Variants in SLC22A23 observed in about 807,000 individuals in gnomAD.
SLC22A23 encodes solute carrier family 22 member 23, also known as ion transporter protein.
In SLC22A23, 26 loss-of-function variants were observed where a neutral mutation model predicts 61.0. The ratio of observed to expected loss-of-function variants is 0.43; its 90% CI spans 0.31 to 0.59. The LOEUF is 0.59. Among genes scored for constraint, SLC22A23 ranks in the 20% least tolerant of loss-of-function variants. The pLI, the probability that SLC22A23 is intolerant of heterozygous loss-of-function variation, is 0.11. For missense variants in SLC22A23, 796 were observed against 934.7 expected (o/e 0.85, Z 1.94); for synonymous variants, 430 against 413.9 (o/e 1.04, Z -0.47).
At chr6:3,365,499 T>C (rs12205405) in intron 3 of SLC22A23, among the ~76,000 whole-genome samples, 116,465 of 152,014 alleles carry the variant, frequency 0.77, 45,092 homozygotes, top group African/African-American at 0.85. Context: ...TTGGTCTGGC[T>C]GAGCCTGAGT....
chr6:3,348,626 T>G (rs1467120032), intron 3 of SLC22A23, among the ~76,000 whole-genome samples: 1 of 152,204 alleles, frequency 6.6e-6, no homozygotes, highest in Non-Finnish European at 1.5e-5. Context: ...GGCACGGAGC[T>G]GGGTGTGGTG....
At chr6:3,436,208 C>A (rs894712631) in intron 1 of SLC22A23, among the ~76,000 whole-genome samples, 1 of 151,812 alleles carries the variant, frequency 6.6e-6, no homozygotes, top group African/African-American at 2.4e-5. Context: ...GGTGTGATAT[C>A]GGCTCACTGC....
intron 1 of SLC22A23, among the ~76,000 whole-genome samples, chr6:3,441,781 C>A (rs899696718): frequency 6.6e-6 from 1 of 152,188 alleles, no homozygotes; most frequent in African/African-American, 2.4e-5. Context: ...ATTTCCCAAC[C>A]GTCTCCGGCT....
rs1772407664 is a variant in SLC22A23, at chr6:3,456,356, G to A, written c.204C>T (p.Ser68=). ...PGGGPHPSCC[S]AAAAPSLLLL... is the part of the protein sequence containing the mutation. Reference sequence around the variant, plus strand: ...ACAAGAGGCTCGGGGCCGCAGCCGCGGAGCAGCAGCTCGGGTGCGGGCCGC... The same window carrying A: ...ACAAGAGGCTCGGGGCCGCAGCCGCAGAGCAGCAGCTCGGGTGCGGGCCGC... The change falls in exon 1 of 10, where the codon TCC becomes TCT. Residue 68 remains serine, a synonymous_variant. Transcript: ENST00000406686. This position sits in a 1 kb window ranked among gnomAD's most constrained non-coding sequence, Gnocchi z 7.1. 3.9e-6 allele frequency: 6 copies of A among 1,546,618 alleles called. No individual in the cohort carries two copies. Among genetic ancestry groups the A allele is most frequent in the Non-Finnish European group, 5.2e-6 (6 of 1,145,232 alleles).
chr6:3,430,692 C>A (rs1432384902), intron 1 of SLC22A23, among the ~76,000 whole-genome samples: 1 of 152,136 alleles, frequency 6.6e-6, no homozygotes, highest in African/African-American at 2.4e-5. Flanking sequence ...TATGAGTGTG[C>A]CCCGGCCAGC....
At chr6:3,351,310 C>T (rs537454513) in intron 3 of SLC22A23, among the ~76,000 whole-genome samples, 14 of 152,190 alleles carry the variant, frequency 9.2e-5, no homozygotes, top group Admixed American at 6.5e-4. Flanking sequence ...AATCGGAGTG[C>T]GGTGGAAAAT....
intron 3 of SLC22A23, among the ~76,000 whole-genome samples, chr6:3,406,184 G>A (rs1768813940): frequency 1.3e-5 from 2 of 152,140 alleles, no homozygotes; most frequent in African/African-American, 2.4e-5. Flanking sequence ...GATCAAGTTA[G>A]AAGAGACACT....
intron 1 of SLC22A23, among the ~76,000 whole-genome samples, chr6:3,452,529 G>GTGGAGGC (rs1264338408): frequency 6.9e-6 from 1 of 144,668 alleles, no homozygotes; most frequent in African/African-American, 2.6e-5. Context: ...AGCCTGGGAG[G>GTGGAGGC]TGGAGGCTTC....
chr6:3,414,672 A>AT lies in SLC22A23; in HGVS notation c.758+1079dup, dbSNP rs532808029. Among the ~76,000 whole-genome samples, 110 of 147,050 alleles carry AT rather than the reference A, an allele frequency of 7.5e-4. 2 individuals carry two copies. The highest frequency in any genetic ancestry group is 2.7e-3 in the African/African-American group (106 of 39,686). On this transcript the variant is annotated intron_variant, in intron 2 of 9. Transcript: ENST00000406686. This position sits in a 1 kb window ranked among gnomAD's most constrained non-coding sequence, Gnocchi z 5.1. Reference sequence around the variant, plus strand: ...TCACAGAACCTATAGAATTTGTTCCATATCACTCTGGGCCCTTATTTCCTC... The same window carrying AT: ...TCACAGAACCTATAGAATTTGTTCCATTATCACTCTGGGCCCTTATTTCCTC...
intron 5 of SLC22A23, among the ~76,000 whole-genome samples, chr6:3,292,629 T>G (rs1391570539): frequency 6.6e-6 from 1 of 152,236 alleles, no homozygotes; most frequent in East Asian, 1.9e-4. Flanking sequence ...CCCCTGTGCC[T>G]CCACATTTTC....
rs1209700455 is a variant in SLC22A23, at chr6:3,297,643, C to T, written c.1210+448G>A. Among the ~76,000 whole-genome samples, 3 of 152,214 alleles carry T rather than the reference C, an allele frequency of 2.0e-5. No homozygotes were observed. Among genetic ancestry groups the T allele is most frequent in the Non-Finnish European group, 2.9e-5 (2 of 68,040 alleles). On this transcript the variant is annotated intron_variant, in intron 5 of 9. Transcript: ENST00000406686. This position sits in a 1 kb window ranked among gnomAD's most constrained non-coding sequence, Gnocchi z 4.3. Reference sequence around the variant, plus strand: ...ACTATCCAAAAACACTTCACCTTTCCTGTCTTCAGCTGCCCAACAAATAGG... The same window carrying T: ...ACTATCCAAAAACACTTCACCTTTCTTGTCTTCAGCTGCCCAACAAATAGG...
intron 3 of SLC22A23, among the ~76,000 whole-genome samples, chr6:3,364,130 A>G (rs1765653742): frequency 6.6e-6 from 1 of 152,246 alleles, no homozygotes; most frequent in Non-Finnish European, 1.5e-5. Context: ...AGTCAAAGGT[A>G]ATAGAAAGCT....
At chr6:3,287,252 C>A (rs4959796) in intron 6 of SLC22A23, among the ~76,000 whole-genome samples, 161 bp from the exon 7 acceptor site, 36,675 of 152,174 alleles carry the variant, frequency 0.24, 8,409 homozygotes, top group African/African-American at 0.6. Flanking sequence ...ATTACAGAGC[C>A]AATGCAAAAG....
chr6:3,366,332 C>CAAAAAAAAAAAAAAAAAA (rs11387672), intron 3 of SLC22A23, among the ~76,000 whole-genome samples: 2 of 74,158 alleles, frequency 2.7e-5, no homozygotes, highest in African/African-American at 6.3e-5. Flanking sequence ...GACTCTGTCT[C>CAAAAAAAAAAAAAAAAAA]AAAAAAAAAA....
In SLC22A23 at chr6:3,356,405, G is replaced by A. The variant is rs145985640; in HGVS notation, c.914-32403C>T. Among the ~76,000 whole-genome samples, 4 of 151,942 alleles carry A rather than the reference G, an allele frequency of 2.6e-5. No homozygotes were observed. The East Asian group carries it at 7.9e-4, about 30-fold the overall frequency. On this transcript the variant is annotated intron_variant, in intron 3 of 9. Coordinates refer to ENST00000406686, the MANE Select transcript of SLC22A23 (RefSeq NM_015482.2). ...AGGCCACACCCCCATCTCAGAGATG[G>A]CAGCGACCTCATCCAAGGGGCAGGG...
At chr6:3,415,682 A>G (rs1216209689) in intron 2 of SLC22A23, 70 bp downstream of exon 2, 28 of 1,111,252 alleles carry the variant, frequency 2.5e-5, no homozygotes, top group Non-Finnish European at 3.6e-5. Context: ...AACACTGACT[A>G]TTTTTCTTTA....
intron 9 of SLC22A23, among the ~76,000 whole-genome samples, chr6:3,278,426 C>T (rs549427627): frequency 2.2e-4 from 33 of 152,276 alleles, no homozygotes; most frequent in African/African-American, 7.0e-4. Context: ...CAAACTCCTC[C>T]CAGGCTGAGG....
intron 3 of SLC22A23, among the ~76,000 whole-genome samples, chr6:3,408,807 C>T (rs1046336433): frequency 1.3e-5 from 2 of 152,216 alleles, no homozygotes; most frequent in African/African-American, 4.8e-5. Context: ...CCTTTTATGA[C>T]CATCCACGTG....
At chr6:3,363,534 G>A (rs1355824527) in intron 3 of SLC22A23, among the ~76,000 whole-genome samples, 2 of 152,244 alleles carry the variant, frequency 1.3e-5, no homozygotes, top group Non-Finnish European at 2.9e-5. Context: ...TGCTCACCTT[G>A]ATGTGACAGG....
Sources: allele counts gnomAD v4.1 joint callset (sites outside exome capture counted in the v4.1 genomes callset), GRCh38; gene constraint gnomAD v4.1.1; non-coding constraint Gnocchi (gnomAD v3.1); transcripts MANE v1.5; gene names NCBI Gene and HGNC (gene_info 2026-07-23, HGNC 2026-07-21).